The following CHIT1 variants were observed in gnomAD, a reference collection of about 807,000 sequenced individuals.
The protein encoded by CHIT1 is chitotriosidase-1.
A neutral mutation model predicts 52.0 loss-of-function variants in CHIT1; 47 were observed. The ratio of observed to expected loss-of-function variants is 0.90; its 90% CI spans 0.71 to 1.15. The LOEUF is 1.15. Among genes scored for constraint, CHIT1 ranks in the 50% most tolerant of loss-of-function variants. The pLI is 0.00. For missense variants in CHIT1, 569 were observed against 583.0 expected (o/e 0.98, Z 0.25); for synonymous variants, 242 against 228.2 (o/e 1.06, Z -0.54).
chr1:203,225,893 AG>A (rs745568772), intron 2 of CHIT1, 23 bp from the exon 3 acceptor site: 10 of 1,613,146 alleles, frequency 6.2e-6, no homozygotes, highest in Non-Finnish European at 7.6e-6. Context: ...AGTAAAGAAA[AG>A]GGATAGCTGT....
chr1:203,218,924 T>A (rs1221104969), intron 9 of CHIT1, among the ~76,000 whole-genome samples: 2 of 152,230 alleles, frequency 1.3e-5, no homozygotes, highest in Non-Finnish European at 2.9e-5. Flanking sequence ...AAGAAAGCTA[T>A]ATGTCTCACC....
At position 203,228,571 on chromosome 1, in the gene CHIT1, A is replaced by G. The variant is rs755019753; in HGVS notation, c.26-9T>C. The G allele has an allele frequency of 6.3e-7, 1 of 1,583,016 alleles. No homozygotes were observed. Among genetic ancestry groups the G allele is most frequent in the South Asian group, 1.1e-5 (1 of 87,062 alleles). Reference sequence around the variant, plus strand: ...CAGCAGGACCATGAAACCTGGAGCAACACAAGAGAGAAGGCCAGGGTTATG... The same window carrying G: ...CAGCAGGACCATGAAACCTGGAGCAGCACAAGAGAGAAGGCCAGGGTTATG... On this transcript the variant is annotated splice_polypyrimidine_tract_variant and intron_variant, in intron 1 of 10. Coordinates refer to ENST00000367229, the MANE Select transcript of CHIT1 (RefSeq NM_003465.3).
rs755240120 is a variant in CHIT1 at position 203,219,785 on chromosome 1, G to A, written c.794C>T (p.Pro265Leu). Reference protein sequence around the residue: ...TPASKLILGMPTYGRSFTLAS... With the variant: ...TPASKLILGMLTYGRSFTLAS... ...CAGTGTGAAGGAGCGTCCGTAGGTA[G>A]GCATGCCAAGGATCAGCTTGCTGGC... The change falls in exon 8 of 11, where the codon CCT (proline) becomes CTT (leucine). Residue 265 changes from proline (P) to leucine (L), a missense_variant. Transcript: ENST00000367229. 1.2e-6 allele frequency: 2 copies of A among 1,613,214 alleles called. No individual in the cohort carries two copies. The highest frequency in any genetic ancestry group is 1.1e-5 in the South Asian group (1 of 91,040).
intron 1 of CHIT1, 47 bp from the exon 2 acceptor site, chr1:203,228,609 C>CT: frequency 6.4e-7 from 1 of 1,557,196 alleles, no homozygotes; most frequent in Non-Finnish European, 8.7e-7. Context: ...GCCATTCTCA[C>CT]CTTCCCAGGC....
chr1:203,217,747 T>G lies in CHIT1; in HGVS notation c.1148A>C (p.Gln383Pro). 1 of 1,614,002 alleles carries G rather than the reference T, an allele frequency of 6.2e-7. No individual in the cohort carries two copies. Among genetic ancestry groups the G allele is most frequent in the Non-Finnish European group, 8.5e-7 (1 of 1,179,864 alleles). The change falls in exon 10 of 11, where the codon CAG becomes CCG. Residue 383 changes from glutamine (Q) to proline (P), a missense_variant. Gln to Pro is a moderately conservative substitution (Grantham distance 76). Transcript: ENST00000367229. ...CTGGGCCCCTTACTTACTCAGTTCCTGCCGTAGCGTCTGGATGAGGGGGTA... is the reference window on the plus strand; with the variant it reads ...CTGGGCCCCTTACTTACTCAGTTCCGGCCGTAGCGTCTGGATGAGGGGGTA... ...GRYPLIQTLR[Q>P]ELSLPYLPSG...
upstream of CHIT1, chr1:203,229,703 T>C (rs766358293): frequency 6.4e-7 from 1 of 1,559,710 alleles, no homozygotes; most frequent in Non-Finnish European, 8.8e-7. Context: ...TGCTTTTATC[T>C]GGCCACCCTG....
rs1065761 is a variant in CHIT1 at position 203,216,965 on chromosome 1, G to A, written c.1325C>T (p.Ala442Val). Residue 442 changes from alanine to valine, a missense_variant, in exon 11 of 11, where the codon GCG becomes GTG. Physicochemically the swap from Ala to Val is moderately conservative, Grantham distance 64 (BLOSUM62 0). Coordinates refer to ENST00000367229, the MANE Select transcript of CHIT1 (RefSeq NM_003465.3). ...RERSSFYSCAAGRLFQQSCPT... is the reference protein window; with the variant it reads ...RERSSFYSCAVGRLFQQSCPT... ...GCAGCTTTGCTGGAACAGCCGCCCC[G>A]CTGCACAGCTGTAGAAGCTGGACCG... The A allele has an allele frequency of 4.4e-3, 7,025 of 1,614,138 alleles. 242 individuals are homozygous for A. In the African/African-American group the frequency reaches 0.081, roughly 19 times the overall value.
intron 1 of CHIT1, among the ~76,000 whole-genome samples, chr1:203,228,815 CTA>C (rs1657030353): frequency 1.3e-5 from 2 of 152,226 alleles, no homozygotes; most frequent in African/African-American, 4.8e-5. Context: ...TGCCCCCTCT[CTA>C]TACCTCAGTA....
rs201640938 is a variant in CHIT1 at position 203,223,276 on chromosome 1, C to T, written c.481-17G>A. ...GGCCAAGTCCTGTGGGAGTGGAGCTCAGAGTCAACACAGGGGCGCGCACCA... is the reference window on the plus strand; with the variant it reads ...GGCCAAGTCCTGTGGGAGTGGAGCTTAGAGTCAACACAGGGGCGCGCACCA... On this transcript the variant is annotated splice_polypyrimidine_tract_variant and intron_variant, in intron 5 of 10. Transcript: ENST00000367229. The T allele has an allele frequency of 6.2e-7, 1 of 1,614,076 alleles. No homozygotes were observed. The highest frequency in any genetic ancestry group is 1.7e-5 in the Admixed American group (1 of 60,024).
intron 1 of CHIT1, 96 bp from the exon 2 acceptor site, chr1:203,228,658 G>A (rs1657019457): frequency 2.9e-6 from 4 of 1,366,008 alleles, no homozygotes; most frequent in Non-Finnish European, 1.0e-6. Flanking sequence ...GTCAGGGAGG[G>A]CTGATTTCAT....
At chr1:203,229,192 G>T (rs1657044129) in intron 1 of CHIT1, among the ~76,000 whole-genome samples, 2 of 152,170 alleles carry the variant, frequency 1.3e-5, no homozygotes, top group South Asian at 2.1e-4. Flanking sequence ...GCCCCAGGCT[G>T]CCCTCTTGCA....
rs910314287 is a variant in CHIT1 at position 203,216,343 on chromosome 1, G to A, written c.*546C>T. ...TTAGTGTAATGCTGAGTGGCTGCTC[G>A]CAGAGCGCTTAAATCAGGGAAAAGT... On this transcript the variant is annotated 3_prime_UTR_variant, in exon 11 of 11. Coordinates refer to ENST00000367229, the MANE Select transcript of CHIT1 (RefSeq NM_003465.3). 17 of 453,936 alleles carry A rather than the reference G, an allele frequency of 3.7e-5. No homozygotes were observed. The highest frequency in any genetic ancestry group is 2.8e-4 in the African/African-American group (14 of 49,972). The allele number at this position is 453,936 out of a possible 1,614,324, so 28.1% of individuals were successfully genotyped here. A position where few individuals can be genotyped will look rare whatever the true frequency, so the allele number is the denominator to read the frequency against.
rs564190318 is a variant in CHIT1 at position 203,224,909 on chromosome 1, C to A, written c.314+139G>T. The A allele has an allele frequency of 2.9e-5, 22 of 761,584 alleles. No homozygotes were observed. In the East Asian group the frequency reaches 5.7e-4, roughly 20 times the overall value. 47.2% of individuals were successfully genotyped at this position (761,584 alleles called of 1,614,324 possible). A position where few individuals can be genotyped will look rare whatever the true frequency, so the allele number is the denominator to read the frequency against. The stretch of plus-strand genomic sequence containing the variant: ...GCCAAGAACCCAGAAGGAAATTCAG[C>A]CCTCAGAGTTCAGCTCCCCTCCCCT... On this transcript the variant is annotated intron_variant, in intron 4 of 10. Transcript: ENST00000367229.
chr1:203,228,425 C>T, intron 2 of CHIT1, 108 bp downstream of exon 2: 2 of 1,189,402 alleles, frequency 1.7e-6, no homozygotes, highest in South Asian at 1.3e-5. Context: ...GGAAGAGAGT[C>T]CCCACTGAAA....
chr1:203,219,545 A>G (rs1656655343), intron 8 of CHIT1, 119 bp downstream of exon 8: 4 of 1,260,840 alleles, frequency 3.2e-6, no homozygotes, highest in Admixed American at 3.4e-5. Context: ...TGGAATTTAC[A>G]TGGCCAGAAT....
chr1:203,228,610 C>A, intron 1 of CHIT1, 48 bp from the exon 2 acceptor site: 2 of 1,556,620 alleles, frequency 1.3e-6, no homozygotes, highest in Non-Finnish European at 1.7e-6. Flanking sequence ...CCATTCTCAC[C>A]TTCCCAGGCC....
Position 203,217,789 on chromosome 1 carries a change from G to C in CHIT1, c.1106C>G (p.Ser369Cys). 1.3e-6 allele frequency: 2 copies of C among 1,526,776 alleles called. No individual in the cohort carries two copies. Among genetic ancestry groups the C allele is most frequent in the Non-Finnish European group, 1.8e-6 (2 of 1,115,314 alleles). The allele number at this position is 1,526,776 out of a possible 1,614,324, so 94.6% of individuals were successfully genotyped here. Reference protein sequence around the residue: ...ALDLDDFAGFSCNQGRYPLIQ... With the variant: ...ALDLDDFAGFCCNQGRYPLIQ... The stretch of plus-strand genomic sequence containing the variant: ...GAGGGGGTATCGGCCCTGGTTGCAG[G>C]AGAAGCCGGCAAAGTCATCTAAGTC... The change falls in exon 10 of 11, where the codon TCC (serine) becomes TGC (cysteine). Residue 369 changes from serine to cysteine, a missense_variant. Ser to Cys is a moderately radical substitution (Grantham distance 112). Transcript: ENST00000367229.
rs762018083 is a variant in CHIT1, at chr1:203,222,345, G to A, written c.606-20C>T. On this transcript the variant is annotated intron_variant, in intron 6 of 10. Coordinates refer to ENST00000367229, the MANE Select transcript of CHIT1 (RefSeq NM_003465.3). ...AGGTTCCTGCAGGAGGCATGGAAGAGGAGGTGAGAAACAAGGGATTGGGGG... is the reference window on the plus strand; with the variant it reads ...AGGTTCCTGCAGGAGGCATGGAAGAAGAGGTGAGAAACAAGGGATTGGGGG... The A allele has an allele frequency of 1.1e-5, 18 of 1,614,016 alleles. No individual in the cohort carries two copies. The highest frequency in any genetic ancestry group is 1.5e-5 in the Non-Finnish European group (18 of 1,180,018).
rs1286916796 is a variant in CHIT1 at position 203,225,666 on chromosome 1, C to T, written c.257+3G>A. On this transcript the variant is annotated splice_donor_region_variant and intron_variant, in intron 3 of 10. Transcript: ENST00000367229. ...CCCACCCTGCTCCTCTGCTTTGGCT[C>T]ACATCTTCTTCAGGCCATTGAACTC... The T allele has an allele frequency of 6.2e-7, 1 of 1,612,306 alleles. No individual in the cohort carries two copies. The highest frequency in any genetic ancestry group is 2.2e-5 in the East Asian group (1 of 44,790).
Sources: allele counts gnomAD v4.1 joint callset (sites outside exome capture counted in the v4.1 genomes callset), GRCh38; gene constraint gnomAD v4.1.1; transcripts MANE v1.5; gene names NCBI Gene and HGNC (gene_info 2026-07-23, HGNC 2026-07-21).